Variants in HMGN5 observed in about 807,000 individuals in gnomAD.
The protein encoded by HMGN5 is high mobility group nucleosome binding domain 5.
In HMGN5, 4 loss-of-function variants were observed where a neutral mutation model predicts 9.5. The observed-to-expected ratio is 0.42, with a 90% confidence interval of 0.21 to 0.96. HMGN5 has a LOEUF of 0.96. Among genes scored for constraint, HMGN5 ranks in the 40% least tolerant of loss-of-function variants. The pLI is 0.30. For synonymous variants in HMGN5, 55 were observed against 57.1 expected, an observed-to-expected ratio of 0.96 and a Z score of 0.16; for missense variants, 192 against 187.5, an observed-to-expected ratio of 1.02 and a Z score of -0.14.
chrX:81,127,977 G>A (rs2075288933), intron 1 of HMGN5, among the ~76,000 whole-genome samples: 1 of 110,951 alleles, frequency 9.0e-6, no homozygotes, highest in Non-Finnish European at 1.9e-5. Flanking sequence ...AGAAAGAAAG[G>A]GAGATTCACT....
At chrX:81,136,622 A>G (rs904453113) in intron 1 of HMGN5, among the ~76,000 whole-genome samples, 2 of 111,970 alleles carry the variant, frequency 1.8e-5, no homozygotes, top group African/African-American at 6.5e-5. Context: ...CAGGAAGGCA[A>G]GAAAAGAGAA....
intron 6 of HMGN5, 129 bp downstream of exon 6, chrX:81,116,075 A>C (rs956465674): frequency 1.5e-5 from 7 of 454,292 alleles, no homozygotes; most frequent in Admixed American, 8.6e-5. Context: ...CTTAGATACC[A>C]TTATACTATA....
At chrX:81,166,897 T>C (rs2075412638) in intron 1 of HMGN5, among the ~76,000 whole-genome samples, 1 of 111,487 alleles carries the variant, frequency 9.0e-6, no homozygotes, top group South Asian at 3.8e-4. Flanking sequence ...CATTTCAGTA[T>C]AATTGCTGGC....
chrX:81,164,336 C>T (rs1227191179), intron 1 of HMGN5, among the ~76,000 whole-genome samples: 1 of 110,906 alleles, frequency 9.0e-6, no homozygotes, highest in East Asian at 2.8e-4. Context: ...TGTGAGTTTA[C>T]CACATTTTCC....
At chrX:81,153,579 CTCTCTATATATATATATATATA>C (rs2075372727) in intron 1 of HMGN5, among the ~76,000 whole-genome samples, 1 of 10,584 alleles carries the variant, frequency 9.4e-5, no homozygotes, top group Non-Finnish European at 1.6e-4. Flanking sequence ...CTCTCTCTCT[CTCTCTATATATATATATATATA>C]TATATATATA....
At chrX:81,198,585 A>T (rs971727290) in intron 1 of HMGN5, among the ~76,000 whole-genome samples, 1 of 112,095 alleles carries the variant, frequency 8.9e-6, no homozygotes, top group African/African-American at 3.2e-5. Flanking sequence ...ATGCAAATCA[A>T]TTAATGTAAT....
rs148414572 is a variant in HMGN5 at position 81,192,161 on chromosome X, T to A, written c.-124+9576A>T. On this transcript the variant is annotated intron_variant, in intron 1 of 6. Coordinates refer to ENST00000358130, the MANE Select transcript of HMGN5 (RefSeq NM_030763.3). ...CCAACTTGGTCATAAAGTACTATCC[T>A]TTTTATATACTACTGGATTTGGTTT... is the stretch of plus-strand genomic sequence containing the variant. 5.5e-3 allele frequency among the ~76,000 whole-genome samples: 614 copies of A among 111,548 alleles called. 4 individuals carry two copies. The highest frequency in any genetic ancestry group is 0.019 in the African/African-American group (574 of 30,730).
Position 81,118,462 on chromosome X carries a change from C to T in HMGN5, c.99G>A (p.Glu33=), listed in dbSNP as rs73231013. 9,920 of 1,178,491 alleles carry T rather than the reference C, an allele frequency of 8.4e-3. 33 individuals are homozygous for T. The highest frequency in any genetic ancestry group is 9.6e-3 in the Non-Finnish European group (8,433 of 874,295). The change falls in exon 5 of 7, where the codon GAG becomes GAA. Residue 33 remains glutamate (E), a synonymous_variant. Transcript: ENST00000358130. The stretch of plus-strand genomic sequence containing the variant: ...AACTTGATGTTCTTTTAGGCTTCAC[C>T]TCTGGTGTAACTGGCACAAGCATCT... The part of the protein sequence containing the change: ...LSAMLVPVTP[E]VKPKRTSSSR...
chrX:81,199,248 A>T (rs2075517946), intron 1 of HMGN5, among the ~76,000 whole-genome samples: 1 of 112,270 alleles, frequency 8.9e-6, no homozygotes, highest in African/African-American at 3.2e-5. Context: ...CAAATGGAAG[A>T]ACATTCCGTG....
chrX:81,190,190 C>T (rs1355963849), intron 1 of HMGN5, among the ~76,000 whole-genome samples: 1 of 111,017 alleles, frequency 9.0e-6, no homozygotes, highest in African/African-American at 3.3e-5. Context: ...TAAAACTGTC[C>T]CTTATCGGAT....
At chrX:81,199,983 C>A (rs1405999737) in intron 1 of HMGN5, among the ~76,000 whole-genome samples, 1 of 111,775 alleles carries the variant, frequency 8.9e-6, no homozygotes. Context: ...ACTCATCTGA[C>A]AAAGGGCTAA....
intron 1 of HMGN5, among the ~76,000 whole-genome samples, chrX:81,167,040 G>A (rs770434038): frequency 9.0e-6 from 1 of 111,531 alleles, no homozygotes; most frequent in East Asian, 2.8e-4. Context: ...TGTTCTCTGA[G>A]TATCATTTTA....
At chrX:81,168,429 T>TG (rs1306364770) in intron 1 of HMGN5, among the ~76,000 whole-genome samples, 1 of 111,522 alleles carries the variant, frequency 9.0e-6, no homozygotes, top group Non-Finnish European at 1.9e-5. Context: ...GGGTATTTGG[T>TG]GGGGGGCTGA....
At chrX:81,184,409 C>T (rs1484464983) in intron 1 of HMGN5, among the ~76,000 whole-genome samples, 1 of 111,651 alleles carries the variant, frequency 9.0e-6, no homozygotes, top group Non-Finnish European at 1.9e-5. Context: ...TCCTGTATGG[C>T]CTTCAGAACT....
At chrX:81,119,916 T>C (rs146528987) in intron 2 of HMGN5, 99 bp from the exon 3 acceptor site, 14 of 749,147 alleles carry the variant, frequency 1.9e-5, no homozygotes, top group Middle Eastern at 2.9e-4. Context: ...TATAATTGCT[T>C]ATTACTTTCT....
intron 1 of HMGN5, among the ~76,000 whole-genome samples, chrX:81,129,763 G>A (rs1335978849): frequency 1.8e-5 from 2 of 111,025 alleles, no homozygotes; most frequent in African/African-American, 6.5e-5. Context: ...GTGTCTTGGC[G>A]GCATAGAACT....
At chrX:81,139,249 T>G in intron 1 of HMGN5, among the ~76,000 whole-genome samples, 1 of 112,398 alleles carries the variant, frequency 8.9e-6, no homozygotes, top group East Asian at 2.8e-4. Flanking sequence ...ATCAAAGCAG[T>G]GTGGTTTGGC....
At chrX:81,195,909 A>G (rs372202787) in intron 1 of HMGN5, among the ~76,000 whole-genome samples, 2 of 111,436 alleles carry the variant, frequency 1.8e-5, no homozygotes, top group East Asian at 2.9e-4. Context: ...GGCGCCCTCT[A>G]GTGGCTCTAA....
In HMGN5 at chrX:81,114,401, C is replaced by A; in HGVS notation, c.*248G>T. 1 of 240,868 alleles carries A rather than the reference C, an allele frequency of 4.2e-6. No homozygotes were observed. Among genetic ancestry groups the A allele is most frequent in the Non-Finnish European group, 7.4e-6 (1 of 136,004 alleles). The allele number at this position is 240,868 out of a possible 1,213,427, so 19.9% of individuals were successfully genotyped here. A position where few individuals can be genotyped will look rare whatever the true frequency, so the allele number is the denominator to read the frequency against. The stretch of plus-strand genomic sequence containing the variant: ...GATTTGACATATAACTTACACAACA[C>A]GAAATTCACTCACAAAGTTGAAAGC... On this transcript the variant is annotated 3_prime_UTR_variant, in exon 7 of 7. Coordinates refer to ENST00000358130, the MANE Select transcript of HMGN5 (RefSeq NM_030763.3).
Sources: gnomAD v4.1 joint callset for allele counts (sites outside exome capture counted in the v4.1 genomes callset) on GRCh38, gnomAD v4.1.1 for gene constraint, MANE v1.5 for transcripts, NCBI Gene and HGNC (gene_info 2026-07-23, HGNC 2026-07-21) for gene names.